Variants in AFF2 observed in about 807,000 individuals in gnomAD.
The protein encoded by AFF2 is ALF transcription elongation factor 2, also known as AF4/FMR2 family member 2.
AFF2 carries 14 observed loss-of-function variants against 76.9 expected under a neutral mutation model. The observed-to-expected ratio is 0.18, with a 90% CI of 0.12 to 0.28. The LOEUF (loss-of-function observed/expected upper bound fraction) is 0.28, where lower values mean the gene tolerates loss of function less well. Among genes scored for constraint, AFF2 ranks in the 10% least tolerant of loss-of-function variants. The pLI is 1.00. For synonymous variants in AFF2, 398 were observed against 366.7 expected (o/e 1.09, Z -0.98); for missense variants, 868 against 1,001.1 (o/e 0.87, Z 1.79).
rs149018295 is a variant in AFF2 at position 148,930,868 on chromosome X, T to C, written c.1398-22712T>C. 3.1e-3 allele frequency among the ~76,000 whole-genome samples: 349 copies of C among 112,243 alleles called. 2 individuals are homozygous for C. The highest frequency in any genetic ancestry group is 0.011 in the African/African-American group (332 of 30,878). On this transcript the variant is annotated intron_variant, in intron 9 of 20. Transcript: ENST00000370460. ...ATAGAGTCTTGGGATGAGTGATATT[T>C]TTGCAAACTGCAAATGCCTCTGAGT...
chrX:148,833,546 G>A (rs1190538243), intron 4 of AFF2, among the ~76,000 whole-genome samples: 2 of 108,812 alleles, frequency 1.8e-5, no homozygotes, highest in Non-Finnish European at 3.8e-5. Flanking sequence ...AGGTTGCAGT[G>A]AGCCAATATG....
intron 16 of AFF2, among the ~76,000 whole-genome samples, chrX:148,975,672 C>T (rs562436463): frequency 3.7e-5 from 4 of 109,536 alleles, no homozygotes; most frequent in African/African-American, 1.3e-4. Flanking sequence ...AGGCCGGGCG[C>T]GGTGGCTCAC....
chrX:148,622,875 G>A (rs1367078042), intron 1 of AFF2, among the ~76,000 whole-genome samples: 62 of 111,513 alleles, frequency 5.6e-4, no homozygotes, highest in Non-Finnish European at 2.8e-4. Flanking sequence ...CATATTATTT[G>A]GTAGCCATGG....
chrX:148,625,891 G>C (rs1287134357), intron 1 of AFF2, among the ~76,000 whole-genome samples: 2 of 111,865 alleles, frequency 1.8e-5, no homozygotes, highest in Non-Finnish European at 3.8e-5. Flanking sequence ...ACTCCCATCA[G>C]TTATTTAATT....
chrX:148,891,316 C>T (rs1260563730), intron 8 of AFF2, among the ~76,000 whole-genome samples: 1 of 111,219 alleles, frequency 9.0e-6, no homozygotes, highest in African/African-American at 3.3e-5. Context: ...TTAAAGGAAC[C>T]CCTGAAAATC....
chrX:148,705,780 G>C lies in AFF2; in HGVS notation c.1041+43012G>C, dbSNP rs192288301. On this transcript the variant is annotated intron_variant, in intron 3 of 20. Coordinates refer to ENST00000370460, the MANE Select transcript of AFF2 (RefSeq NM_002025.4). ...TCATCTTGAGTTAGAGGAAGTATGA[G>C]TTTTCTGTCACAGAAAGTGTGTAAA... Among the ~76,000 whole-genome samples, 5 of 111,815 alleles carry C rather than the reference G, an allele frequency of 4.5e-5. No homozygotes were observed. In the East Asian group the frequency reaches 1.4e-3, roughly 32 times the overall value.
intron 9 of AFF2, among the ~76,000 whole-genome samples, chrX:148,935,031 C>T (rs1557284861): frequency 1.1e-5 from 1 of 89,201 alleles, no homozygotes; most frequent in Non-Finnish European, 2.2e-5. Context: ...TGTGTTTAGG[C>T]AAAACAAAAA....
intron 7 of AFF2, among the ~76,000 whole-genome samples, chrX:148,853,788 G>A (rs901465789): frequency 1.3e-4 from 15 of 112,017 alleles, no homozygotes; most frequent in Non-Finnish European, 2.8e-4. Flanking sequence ...AACTATGTGT[G>A]CCACTCCTCT....
intron 1 of AFF2, among the ~76,000 whole-genome samples, chrX:148,528,740 T>A (rs1194288294): frequency 8.9e-6 from 1 of 111,909 alleles, no homozygotes; most frequent in Non-Finnish European, 1.9e-5. Context: ...AAAGAAACAA[T>A]CCGTTCTCAA....
chrX:148,985,832 CT>C (rs2072464349), intron 19 of AFF2, among the ~76,000 whole-genome samples: 1 of 111,230 alleles, frequency 9.0e-6, no homozygotes, highest in South Asian at 3.9e-4. Context: ...TGAGGATGAA[CT>C]TGCTCCCTCA....
chrX:148,710,626 A>G (rs1557262822), intron 3 of AFF2, among the ~76,000 whole-genome samples: 1 of 112,125 alleles, frequency 8.9e-6, no homozygotes, highest in Non-Finnish European at 1.9e-5. Flanking sequence ...TGTCACCTGA[A>G]ACAAAAAGTC....
At chrX:148,708,092 A>T (rs2054908403) in intron 3 of AFF2, among the ~76,000 whole-genome samples, 1 of 111,778 alleles carries the variant, frequency 8.9e-6, no homozygotes, top group South Asian at 3.7e-4. Context: ...TCTTGTTAGT[A>T]CTCCAGTGTT....
intron 4 of AFF2, among the ~76,000 whole-genome samples, chrX:148,831,551 G>T (rs193055786): frequency 3.6e-5 from 4 of 112,124 alleles, no homozygotes; most frequent in African/African-American, 1.3e-4. Flanking sequence ...TGCTATTGTT[G>T]TCCATTTCCT....
intron 3 of AFF2, among the ~76,000 whole-genome samples, chrX:148,769,916 T>TG (rs781914637): frequency 2.6e-4 from 29 of 111,626 alleles, no homozygotes; most frequent in African/African-American, 8.5e-4. Context: ...TCTCTGCTGC[T>TG]GGGGGCAGAG....
chrX:148,690,684 TA>T (rs1557260696), intron 3 of AFF2, among the ~76,000 whole-genome samples: 1 of 112,636 alleles, frequency 8.9e-6, no homozygotes, highest in African/African-American at 3.2e-5. Context: ...GCTCAGGGGC[TA>T]AACTGCCCAG....
chrX:148,871,982 T>C (rs2070981861), intron 7 of AFF2, among the ~76,000 whole-genome samples: 1 of 111,524 alleles, frequency 9.0e-6, no homozygotes, highest in Non-Finnish European at 1.9e-5. Flanking sequence ...ATTGGAGACC[T>C]TCTGCCGTAC....
intron 8 of AFF2, among the ~76,000 whole-genome samples, chrX:148,890,022 A>G (rs1460946488): frequency 1.6e-4 from 18 of 112,004 alleles, no homozygotes; most frequent in African/African-American, 5.8e-4. Context: ...TTGAGATGCT[A>G]CATATATTTA....
chrX:148,550,348 A>T (rs2052975895), intron 1 of AFF2, among the ~76,000 whole-genome samples: 1 of 112,172 alleles, frequency 8.9e-6, no homozygotes, highest in Non-Finnish European at 1.9e-5. Context: ...ATGAAAAATC[A>T]GTCCAAATTT....
chrX:148,928,608 T>A (rs1321911027), intron 9 of AFF2, among the ~76,000 whole-genome samples: 3 of 112,023 alleles, frequency 2.7e-5, no homozygotes, highest in African/African-American at 9.7e-5. Context: ...TACTTTGAAG[T>A]TGAGTAGAAG....
Sources: gnomAD v4.1 joint callset for allele counts (sites outside exome capture counted in the v4.1 genomes callset) on GRCh38, gnomAD v4.1.1 for gene constraint, MANE v1.5 for transcripts, NCBI Gene and HGNC (gene_info 2026-07-23, HGNC 2026-07-21) for gene names.